SVEP1: variants seen among roughly 807,000 people sequenced by gnomAD.
The protein encoded by SVEP1 is sushi, von Willebrand factor type A, EGF and pentraxin domain-containing protein 1.
Under a neutral mutation model 367.3 loss-of-function variants are expected in SVEP1, and 164 were observed. The ratio of observed to expected loss-of-function variants is 0.45; its 90% CI spans 0.39 to 0.51. The LOEUF is 0.51. SVEP1 is among the 20% of genes least tolerant of loss of function. The pLI is 0.00. For missense variants in SVEP1, 4,117 were observed against 4,425.3 expected (o/e 0.93, Z 1.98); for synonymous variants, 1,666 against 1,611.6 (o/e 1.03, Z -0.81).
At chr9:110,447,192 C>A in intron 24 of SVEP1, 135 bp from the exon 25 acceptor site, 1 of 799,666 alleles carries the variant, frequency 1.3e-6, no homozygotes, top group Non-Finnish European at 1.8e-6. Context: ...GCTTTAATTG[C>A]AGGTTACTTT....
chr9:110,380,030 C>T (rs975979314), intron 43 of SVEP1, among the ~76,000 whole-genome samples: 6 of 152,120 alleles, frequency 3.9e-5, no homozygotes, highest in African/African-American at 1.4e-4. Flanking sequence ...TCTATAGATG[C>T]TCAGTGAATA....
rs780874191 is a variant in SVEP1 at position 110,406,515 on chromosome 9, G to A, written c.9085C>T (p.Arg3029Trp). The change falls in exon 38 of 48, where the codon CGG becomes TGG. Residue 3029 changes from arginine to tryptophan, a missense_variant. Physicochemically the swap from Arg to Trp is moderately radical, Grantham distance 101. This residue lies in a region of SVEP1 where 1,765 missense variants were observed against 1,781.1 expected (regional missense o/e 0.99). Coordinates refer to ENST00000374469, the MANE Select transcript of SVEP1 (RefSeq NM_153366.4). Reference protein sequence around the residue: ...GTDFDCGKAARIQCFKGFKLL... With the variant: ...GTDFDCGKAAWIQCFKGFKLL... ...TTGAAGCCTTTGAAGCACTGAATCCGGGCTGCCTTTCCACAGTCAAAATCT... is the reference window on the plus strand; with the variant it reads ...TTGAAGCCTTTGAAGCACTGAATCCAGGCTGCCTTTCCACAGTCAAAATCT... The A allele has an allele frequency of 2.8e-5, 45 of 1,613,496 alleles. No individual in the cohort carries two copies. Among genetic ancestry groups the A allele is most frequent in the Admixed American group, 5.0e-5 (3 of 59,988 alleles).
chr9:110,461,579 C>G (rs1464470891), intron 18 of SVEP1, among the ~76,000 whole-genome samples: 1 of 151,714 alleles, frequency 6.6e-6, no homozygotes, highest in Non-Finnish European at 1.5e-5. Context: ...GTCATAGCAT[C>G]TTTTTTTAAT....
At chr9:110,430,501 G>T in intron 32 of SVEP1, 51 bp from the exon 33 acceptor site, 1 of 1,533,044 alleles carries the variant, frequency 6.5e-7, no homozygotes, top group East Asian at 2.3e-5. Flanking sequence ...ACACAACCAT[G>T]CAAAGTCTCA....
At chr9:110,404,236 T>C in intron 39 of SVEP1, 91 bp downstream of exon 39, 1 of 1,264,046 alleles carries the variant, frequency 7.9e-7, no homozygotes, top group South Asian at 1.6e-5. Context: ...CAGACTTTTT[T>C]TTCTTTTTGG....
At position 110,528,131 on chromosome 9, in the gene SVEP1, CGTGTGT is replaced by C. The variant is rs35039778; in HGVS notation, c.965-14031_965-14026del. Among the ~76,000 whole-genome samples the C allele has an allele frequency of 7.0e-3, 459 of 65,366 alleles. 21 individuals are homozygous for C. The South Asian group carries it at 0.079, about 11-fold the overall frequency. The allele number at this position is 65,366 out of a possible 152,430, so 42.9% of individuals were successfully genotyped here. A position where few individuals can be genotyped will look rare whatever the true frequency, so the allele number is the denominator to read the frequency against. The stretch of plus-strand genomic sequence containing the variant: ...ATATACATATATACATACATACACA[CGTGTGT>C]GTGTGTGTGTGTGTGTGTGTATATA... On this transcript the variant is annotated intron_variant, in intron 3 of 47. Transcript: ENST00000374469.
intron 1 of SVEP1, among the ~76,000 whole-genome samples, chr9:110,575,503 G>A (rs1389752491): frequency 6.6e-6 from 1 of 152,108 alleles, no homozygotes; most frequent in African/African-American, 2.4e-5. Flanking sequence ...GTCCAACAGG[G>A]AACTACAGCT....
At chr9:110,415,069 C>A (rs1391453231) in intron 36 of SVEP1, among the ~76,000 whole-genome samples, 2 of 151,830 alleles carry the variant, frequency 1.3e-5, no homozygotes, top group Non-Finnish European at 2.9e-5. Context: ...AACTGAAAAC[C>A]CCCTACGTTT....
intron 14 of SVEP1, 65 bp downstream of exon 14, chr9:110,476,139 T>C: frequency 2.9e-6 from 3 of 1,027,016 alleles, no homozygotes; most frequent in Non-Finnish European, 4.5e-6. Context: ...TGCCTCACTT[T>C]TCTGGAATTA....
At chr9:110,438,272 T>C (rs992382399) in intron 27 of SVEP1, among the ~76,000 whole-genome samples, 1 of 141,898 alleles carries the variant, frequency 7.0e-6, no homozygotes, top group African/African-American at 2.6e-5. Flanking sequence ...ATGCAACCTC[T>C]ACCTCCCAGA....
chr9:110,396,285 G>A (rs1216478400), intron 40 of SVEP1, among the ~76,000 whole-genome samples: 1 of 151,836 alleles, frequency 6.6e-6, no homozygotes, highest in Non-Finnish European at 1.5e-5. Context: ...AAATAAAGAT[G>A]TTCTTTGAAA....
intron 3 of SVEP1, among the ~76,000 whole-genome samples, chr9:110,545,327 T>C (rs1270674050): frequency 6.6e-6 from 1 of 152,222 alleles, no homozygotes; most frequent in East Asian, 1.9e-4. Context: ...TTTTTAGTTT[T>C]TTGAGGAACC....
chr9:110,434,899 T>C (rs928487983), intron 29 of SVEP1, among the ~76,000 whole-genome samples: 2 of 151,998 alleles, frequency 1.3e-5, no homozygotes, highest in South Asian at 2.1e-4. Context: ...CCTAGATACC[T>C]TCTACAAATT....
At chr9:110,480,401 G>A (rs1347320148) in intron 12 of SVEP1, among the ~76,000 whole-genome samples, 3 of 151,988 alleles carry the variant, frequency 2.0e-5, no homozygotes, top group Admixed American at 2.0e-4. Context: ...TTTTTTCCAA[G>A]ACACTGGTAT....
chr9:110,430,123 G>C, intron 33 of SVEP1, 119 bp from the exon 34 acceptor site: 1 of 919,382 alleles, frequency 1.1e-6, no homozygotes, highest in Non-Finnish European at 1.6e-6. Context: ...TTTTTTTTTT[G>C]GTGTGTGTGT....
chr9:110,578,968 G>T, intron 1 of SVEP1, 45 bp downstream of exon 1: 1 of 1,533,852 alleles, frequency 6.5e-7, no homozygotes, highest in South Asian at 1.2e-5. Flanking sequence ...GTGGGTCGAA[G>T]GGCCCGGGGA....
chr9:110,574,051 C>T (rs769585195), intron 1 of SVEP1, among the ~76,000 whole-genome samples: 1 of 152,176 alleles, frequency 6.6e-6, no homozygotes, highest in Non-Finnish European at 1.5e-5. Flanking sequence ...TCGAGTTGTC[C>T]AATTCTGACA....
At chr9:110,473,673 C>T (rs66601471) in intron 14 of SVEP1, among the ~76,000 whole-genome samples, 4 of 152,076 alleles carry the variant, frequency 2.6e-5, no homozygotes, top group African/African-American at 7.2e-5. Flanking sequence ...CTTGCACATA[C>T]GGTATTTAAT....
intron 39 of SVEP1, among the ~76,000 whole-genome samples, chr9:110,401,530 T>A (rs913461671): frequency 6.7e-6 from 1 of 148,798 alleles, no homozygotes; most frequent in Non-Finnish European, 1.5e-5. Flanking sequence ...TAGAAAAAAA[T>A]TTATATATAT....
Sources: allele counts gnomAD v4.1 joint callset (sites outside exome capture counted in the v4.1 genomes callset), GRCh38; gene constraint gnomAD v4.1.1; regional missense constraint gnomAD v4.1.1; transcripts MANE v1.5; gene names NCBI Gene and HGNC (gene_info 2026-07-23, HGNC 2026-07-21).